PCSK1: variants seen among roughly 807,000 people sequenced by gnomAD.
PCSK1 encodes the protein proprotein convertase subtilisin/kexin type 1.
A neutral mutation model predicts 90.6 loss-of-function variants in PCSK1; 56 were observed. The ratio of observed to expected loss-of-function variants is 0.62; its 90% CI spans 0.50 to 0.77. PCSK1 has a LOEUF of 0.77. PCSK1 is among the 30% of genes least tolerant of loss of function. The probability of loss-of-function intolerance (pLI) is 0.00; values close to 1 mark genes in which losing one functional copy is unlikely to be tolerated. For synonymous variants in PCSK1, 348 were observed against 342.4 expected (o/e 1.02, Z -0.18); for missense variants, 801 against 932.6 (o/e 0.86, Z 1.84).
At position 96,429,253 on chromosome 5, in the gene PCSK1, C is replaced by G. The variant is rs1319360811; in HGVS notation, c.245G>C (p.Ser82Thr). The G allele has an allele frequency of 1.9e-6, 3 of 1,603,000 alleles. No individual in the cohort carries two copies. The highest frequency in any genetic ancestry group is 2.6e-6 in the Non-Finnish European group (3 of 1,170,050). The stretch of plus-strand genomic sequence containing the variant: ...TAATCTCTTAGTGATATGAAAGGCA[C>G]TCCTTCGAGACCTTCTGGGGTGGTT... ...HKNHPRRSRRSAFHITKRLSD... is the reference protein window; with the variant it reads ...HKNHPRRSRRTAFHITKRLSD... The change falls in exon 2 of 14, where the codon AGT becomes ACT. Residue 82 changes from serine to threonine, a missense_variant. Coordinates refer to ENST00000311106, the MANE Select transcript of PCSK1 (RefSeq NM_000439.5).
At chr5:96,419,825 T>C (rs751189209) in intron 5 of PCSK1, among the ~76,000 whole-genome samples, 4 of 152,164 alleles carry the variant, frequency 2.6e-5, no homozygotes, top group Non-Finnish European at 5.9e-5. Context: ...TTATAAATGC[T>C]GTGCTGTGAG....
At chr5:96,432,666 C>T (rs961524911) in intron 1 of PCSK1, among the ~76,000 whole-genome samples, 197 bp downstream of exon 1, 1 of 152,166 alleles carries the variant, frequency 6.6e-6, no homozygotes, top group Non-Finnish European at 1.5e-5. Context: ...TGCTTGGCTG[C>T]GCCCAGCCTA....
chr5:96,419,405 C>G (rs1761045620), intron 5 of PCSK1, among the ~76,000 whole-genome samples: 1 of 147,988 alleles, frequency 6.8e-6, no homozygotes. Context: ...TATATAAACT[C>G]ACTTAATACC....
intron 5 of PCSK1, among the ~76,000 whole-genome samples, chr5:96,416,949 C>T (rs114099619): frequency 0.029 from 4,368 of 152,258 alleles, 210 homozygotes; most frequent in African/African-American, 0.1. Flanking sequence ...GGAGGGCCAA[C>T]AAGCCAAAAG....
At chr5:96,419,995 C>A (rs983725284) in intron 5 of PCSK1, among the ~76,000 whole-genome samples, 27 of 152,042 alleles carry the variant, frequency 1.8e-4, no homozygotes, top group African/African-American at 5.5e-4. Context: ...CTGGAAGGAC[C>A]GTATACTGCC....
At position 96,400,097 on chromosome 5, in the gene PCSK1, T is replaced by G; in HGVS notation, c.1286A>C (p.Asn429Thr). ...PLANNPGWKKNGAGLMVNSRF... is the reference protein window; with the variant it reads ...PLANNPGWKKTGAGLMVNSRF... ...ACTATTCACCATCAAGCCTGCTCCA[T>G]TCTTTTTCCATCCAGGGTTATTGGC... The change falls in exon 10 of 14, where the codon AAT (asparagine) becomes ACT (threonine). Residue 429 changes from asparagine to threonine, a missense_variant. Asn to Thr is a moderately conservative substitution (Grantham distance 65, BLOSUM62 0). Transcript: ENST00000311106. 6.2e-7 allele frequency: 1 copy of G among 1,614,170 alleles called. No homozygotes were observed. The highest frequency in any genetic ancestry group is 1.7e-5 in the Admixed American group (1 of 60,022).
At position 96,421,861 on chromosome 5, in the gene PCSK1, C is replaced by A. The variant is rs1190742236; in HGVS notation, c.620+19G>T. On this transcript the variant is annotated intron_variant, in intron 5 of 13. Transcript: ENST00000311106. ...GCATTGTAAAGTACTTTATTTCACACAAATGCATATTTACTCACTTGTTCT... is the reference window on the plus strand; with the variant it reads ...GCATTGTAAAGTACTTTATTTCACAAAAATGCATATTTACTCACTTGTTCT... 1 of 1,296,714 alleles carries A rather than the reference C, an allele frequency of 7.7e-7. No individual in the cohort carries two copies. The highest frequency in any genetic ancestry group is 1.7e-5 in the Admixed American group (1 of 59,588). 80.3% of individuals were successfully genotyped at this position (1,296,714 alleles called of 1,614,324 possible). A position where few individuals can be genotyped will look rare whatever the true frequency, so the allele number is the denominator to read the frequency against.
chr5:96,425,476 G>A (rs75242701), intron 3 of PCSK1, among the ~76,000 whole-genome samples: 3,751 of 152,260 alleles, frequency 0.025, 151 homozygotes, highest in African/African-American at 0.086. Flanking sequence ...AAAGGGTTCT[G>A]AAGAATAACT....
Position 96,426,806 on chromosome 5 carries a change from C to T in PCSK1, c.286-876G>A, listed in dbSNP as rs114091412. Among the ~76,000 whole-genome samples the T allele has an allele frequency of 7.1e-3, 1,075 of 152,004 alleles. 10 individuals are homozygous for T. The highest frequency in any genetic ancestry group is 0.025 in the African/African-American group (1,027 of 41,448). On this transcript the variant is annotated intron_variant, in intron 2 of 13. Transcript: ENST00000311106. ...TGTGAGAGTACTCATGAATCAGCTC[C>T]AAAAATAAAAACCGAAAAATAATTT... is the stretch of plus-strand genomic sequence containing the variant.
At chr5:96,398,318 C>T (rs1760234369) in intron 11 of PCSK1, among the ~76,000 whole-genome samples, 1 of 152,194 alleles carries the variant, frequency 6.6e-6, no homozygotes, top group South Asian at 2.1e-4. Flanking sequence ...ACTGCTCCTC[C>T]TGGTTAGATT....
chr5:96,398,794 C>A, intron 11 of PCSK1, 85 bp downstream of exon 11: 2 of 1,120,774 alleles, frequency 1.8e-6, no homozygotes, highest in South Asian at 1.2e-5. Flanking sequence ...AGACTTTGTT[C>A]TATGAATAAA....
At chr5:96,406,205 C>T (rs1484822226) in intron 9 of PCSK1, among the ~76,000 whole-genome samples, 1 of 152,122 alleles carries the variant, frequency 6.6e-6, no homozygotes, top group Non-Finnish European at 1.5e-5. Context: ...GACTGAACCC[C>T]ACAAGTAAAT....
At chr5:96,415,982 T>A (rs1760926319) in intron 6 of PCSK1, 51 bp downstream of exon 6, 1 of 1,112,398 alleles carries the variant, frequency 9.0e-7, no homozygotes, top group Non-Finnish European at 1.4e-6. Context: ...CAATGGGTGA[T>A]GTAAGCTTCA....
intron 5 of PCSK1, among the ~76,000 whole-genome samples, chr5:96,419,710 A>G (rs1428287393): frequency 6.6e-6 from 1 of 151,840 alleles, no homozygotes; most frequent in African/African-American, 2.4e-5. Flanking sequence ...CACAAAACAA[A>G]TAGCATTATA....
chr5:96,421,340 G>A (rs767113514), intron 5 of PCSK1, among the ~76,000 whole-genome samples: 1 of 152,186 alleles, frequency 6.6e-6, no homozygotes, highest in Non-Finnish European at 1.5e-5. Flanking sequence ...GGAGACTTCC[G>A]GCTGGCTCAA....
chr5:96,408,698 T>C (rs1760653953), intron 8 of PCSK1, among the ~76,000 whole-genome samples: 1 of 152,236 alleles, frequency 6.6e-6, no homozygotes, highest in Admixed American at 6.5e-5. Context: ...CTGGCATATT[T>C]AGAAATTCTG....
Position 96,425,858 on chromosome 5 carries a change from G to T in PCSK1, c.358C>A (p.Leu120Ile). 6.2e-7 allele frequency: 1 copy of T among 1,610,608 alleles called. No homozygotes were observed. The highest frequency in any genetic ancestry group is 8.5e-7 in the Non-Finnish European group (1 of 1,176,816). The stretch of plus-strand genomic sequence containing the variant: ...TGATTCCACATGGGATCATTGAAGA[G>T]ATTTAGTGCTGAGTCCCTTAGAGCT... The part of the protein sequence containing the change: ...RSALRDSALN[L>I]FNDPMWNQQW... Residue 120 changes from leucine (L) to isoleucine (I), a missense_variant, in exon 3 of 14, where the codon CTC becomes ATC. Leu to Ile is a conservative substitution (Grantham distance 5, BLOSUM62 2). Transcript: ENST00000311106.
intron 7 of PCSK1, among the ~76,000 whole-genome samples, 166 bp from the exon 8 acceptor site, chr5:96,411,152 G>A (rs916408371): frequency 2.6e-5 from 4 of 152,228 alleles, no homozygotes; most frequent in African/African-American, 9.7e-5. Context: ...AATCTCACAA[G>A]GCTGTGTATT....
chr5:96,415,567 C>A (rs1198602008), intron 6 of PCSK1, among the ~76,000 whole-genome samples: 1 of 152,130 alleles, frequency 6.6e-6, no homozygotes, highest in Non-Finnish European at 1.5e-5. Context: ...AATCCTACAT[C>A]CTTGCTATAA....
Sources: gnomAD v4.1 joint callset for allele counts (sites outside exome capture counted in the v4.1 genomes callset) on GRCh38, gnomAD v4.1.1 for gene constraint, MANE v1.5 for transcripts, NCBI Gene and HGNC (gene_info 2026-07-23, HGNC 2026-07-21) for gene names.